TET1: variants seen among roughly 807,000 people sequenced by gnomAD.
TET1 encodes the protein methylcytosine dioxygenase TET1.
Under a neutral mutation model 148.7 loss-of-function variants are expected in TET1, and 13 were observed. That is an observed-to-expected ratio of 0.09 (90% CI 0.06 to 0.14). The LOEUF is 0.14. Ranked by LOEUF, TET1 falls within the 10% of genes least tolerant of loss-of-function variation. TET1 has a pLI of 1.00. For missense variants in TET1, 2,182 were observed against 2,553.8 expected, an observed-to-expected ratio of 0.85 and a Z score of 3.14; for synonymous variants, 907 against 937.2, an observed-to-expected ratio of 0.97 and a Z score of 0.59.
At chr10:68,683,240 GTTTTTGC>G (rs1270374029) in intron 10 of TET1, among the ~76,000 whole-genome samples, 1 of 152,068 alleles carries the variant, frequency 6.6e-6, no homozygotes, top group African/African-American at 2.4e-5. Context: ...TAATTGTTGT[GTTTTTGC>G]TGGGAGGCAG....
At chr10:68,568,620 G>T (rs2053632772) in intron 1 of TET1, among the ~76,000 whole-genome samples, 1 of 152,116 alleles carries the variant, frequency 6.6e-6, no homozygotes, top group East Asian at 1.9e-4. Flanking sequence ...TCTTATTTTG[G>T]GTCTGGGTAG....
chr10:68,686,440 C>G lies in TET1; in HGVS notation c.5137C>G (p.Leu1713Val). The G allele has an allele frequency of 6.2e-7, 1 of 1,614,106 alleles. No homozygotes were observed. The change falls in exon 11 of 12, where the codon CTT becomes GTT. Residue 1713 changes from leucine (L) to valine (V), a missense_variant. Physicochemically the swap from Leu to Val is conservative, Grantham distance 32. Coordinates refer to ENST00000373644, the MANE Select transcript of TET1 (RefSeq NM_030625.3). ...GCTCCATGTGCTACCTCTTTATAAG[C>G]TTTCAGACACAGATGAGTTTGGCTC... ...EQLHVLPLYK[L>V]SDTDEFGSKE... is the part of the protein sequence containing the mutation.
chr10:68,637,590 A>G lies in TET1; in HGVS notation c.1969-7108A>G, dbSNP rs1211717364. On this transcript the variant is annotated intron_variant, in intron 3 of 11. Coordinates refer to ENST00000373644, the MANE Select transcript of TET1 (RefSeq NM_030625.3). ...CCTCAGGCTGGAGTGCTGTGGTGCCATCTTGGCTTACTGCAACCTCTGCCT... is the reference window on the plus strand; with the variant it reads ...CCTCAGGCTGGAGTGCTGTGGTGCCGTCTTGGCTTACTGCAACCTCTGCCT... Among the ~76,000 whole-genome samples the G allele has an allele frequency of 2.3e-5, 3 of 131,534 alleles. 1 individual carries two copies. Among genetic ancestry groups the G allele is most frequent in the African/African-American group, 8.5e-5 (3 of 35,170 alleles). The allele number at this position is 131,534 out of a possible 152,430, so 86.3% of individuals were successfully genotyped here. A position where few individuals can be genotyped will look rare whatever the true frequency, so the allele number is the denominator to read the frequency against.
intron 3 of TET1, among the ~76,000 whole-genome samples, chr10:68,636,144 C>A (rs916639690): frequency 3.9e-5 from 6 of 152,066 alleles, no homozygotes; most frequent in African/African-American, 1.4e-4. Flanking sequence ...GGTTTTTCCT[C>A]CTTTGGGAAT....
intron 7 of TET1, among the ~76,000 whole-genome samples, chr10:68,670,497 C>A (rs972646081): frequency 2.6e-5 from 4 of 152,278 alleles, no homozygotes; most frequent in Admixed American, 2.6e-4. Flanking sequence ...TGGACTATTA[C>A]ACTCAGTGCA....
rs778566641 is a variant in TET1, at chr10:68,646,565, A to G, written c.3836A>G (p.Asp1279Gly). The change falls in exon 4 of 12, where the codon GAT (aspartate) becomes GGT (glycine). Residue 1279 changes from aspartate (D) to glycine (G), a missense_variant. Physicochemically the swap from Asp to Gly is moderately conservative, Grantham distance 94 (BLOSUM62 -1). Transcript: ENST00000373644. Reference sequence around the variant, plus strand: ...GAATCCAACGGGAAGGCATTCACTGATAAAGCTTATAATTCTCAGGTACAG... The same window carrying G: ...GAATCCAACGGGAAGGCATTCACTGGTAAAGCTTATAATTCTCAGGTACAG... The part of the protein sequence containing the change: ...KTESNGKAFT[D>G]KAYNSQVQLT... 1.9e-6 allele frequency: 3 copies of G among 1,614,096 alleles called. No homozygotes were observed. Among genetic ancestry groups the G allele is most frequent in the Non-Finnish European group, 2.5e-6 (3 of 1,180,058 alleles).
intron 3 of TET1, among the ~76,000 whole-genome samples, chr10:68,615,356 C>CTTTTCTTTTTTTTT (rs138957422): frequency 4.8e-4 from 70 of 145,354 alleles, no homozygotes; most frequent in Admixed American, 8.4e-4. Context: ...CTTTTCTTTT[C>CTTTTCTTTTTTTTT]TTTTTTTGAG....
At chr10:68,644,617 A>T in intron 3 of TET1, 81 bp from the exon 4 acceptor site, 1 of 1,356,834 alleles carries the variant, frequency 7.4e-7, no homozygotes, top group Non-Finnish European at 9.9e-7. Context: ...CTTTACATTT[A>T]GTTGTTATTA....
chr10:68,663,166 G>A (rs913582018), intron 6 of TET1, among the ~76,000 whole-genome samples: 4 of 152,096 alleles, frequency 2.6e-5, no homozygotes, highest in Non-Finnish European at 4.4e-5. Flanking sequence ...AAATTTTCCT[G>A]ACATGATGCT....
intron 8 of TET1, among the ~76,000 whole-genome samples, chr10:68,676,532 C>T (rs889031392): frequency 1.3e-4 from 19 of 151,652 alleles, no homozygotes; most frequent in African/African-American, 4.6e-4. Context: ...CCTCAGCCTC[C>T]CAAAGTGCTA....
intron 3 of TET1, among the ~76,000 whole-genome samples, 153 bp downstream of exon 3, chr10:68,601,187 T>C (rs1371834191): frequency 6.6e-6 from 1 of 152,202 alleles, no homozygotes; most frequent in East Asian, 1.9e-4. Flanking sequence ...GTTTTCTCTC[T>C]CTTTTTTTTG....
intron 3 of TET1, among the ~76,000 whole-genome samples, chr10:68,634,105 G>A (rs143508935): frequency 2.0e-5 from 3 of 152,118 alleles, no homozygotes; most frequent in African/African-American, 7.2e-5. Flanking sequence ...GACTGTTCTT[G>A]ATCTCCTGGA....
rs148388844 is a variant in TET1, at chr10:68,646,663, G to C, written c.3934G>C (p.Val1312Leu). Residue 1312 changes from valine to leucine, a missense_variant, in exon 4 of 12, where the codon GTG (valine) becomes CTG (leucine). Val to Leu is a conservative substitution (Grantham distance 32, BLOSUM62 1). Transcript: ENST00000373644. Reference sequence around the variant, plus strand: ...CTCTCCACCTAACCAGTGTGCTAACGTGATGGCAGGCGATGACCAAATACG... The same window carrying C: ...CTCTCCACCTAACCAGTGTGCTAACCTGATGGCAGGCGATGACCAAATACG... ...PSSPPNQCAN[V>L]MAGDDQIRFQ... is the part of the protein sequence containing the mutation. 4 of 1,613,962 alleles carry C rather than the reference G, an allele frequency of 2.5e-6. No individual in the cohort carries two copies. The highest frequency in any genetic ancestry group is 3.3e-5 in the Admixed American group (2 of 59,996).
chr10:68,589,439 T>A (rs7068665), intron 2 of TET1, among the ~76,000 whole-genome samples: 2,565 of 152,208 alleles, frequency 0.017, 75 homozygotes, highest in African/African-American at 0.058. Context: ...CTTAGATGCA[T>A]ATATCTATAT....
intron 3 of TET1, among the ~76,000 whole-genome samples, chr10:68,622,185 CCTTCCT>C (rs2054381946): frequency 9.3e-6 from 1 of 107,648 alleles, no homozygotes; most frequent in Non-Finnish European, 1.9e-5. Context: ...TTCCTTCCTT[CCTTCCT>C]TCCTTCCTTC....
Position 68,573,992 on chromosome 10 carries a change from A to G in TET1, c.1654A>G (p.Ser552Gly). 4 of 1,614,216 alleles carry G rather than the reference A, an allele frequency of 2.5e-6. No homozygotes were observed. The highest frequency in any genetic ancestry group is 3.4e-6 in the Non-Finnish European group (4 of 1,180,040). Residue 552 changes from serine (S) to glycine (G), a missense_variant, in exon 2 of 12, where the codon AGC becomes GGC. Around this residue, in one of 11 missense-constraint regions of TET1, gnomAD observed 665 missense variants for 672.4 expected, o/e 0.99. Coordinates refer to ENST00000373644, the MANE Select transcript of TET1 (RefSeq NM_030625.3). ...DRGSSQVSVT[S>G]TVHVVNTTVV... is the part of the protein sequence containing the mutation. The stretch of plus-strand genomic sequence containing the variant: ...AGGGAGCTCCCAGGTCAGTGTAACC[A>G]GCACAGTTCATGTTGTCAACACCAC...
chr10:68,670,891 AAAT>A (rs1178028363), intron 7 of TET1, among the ~76,000 whole-genome samples: 1 of 152,020 alleles, frequency 6.6e-6, no homozygotes, highest in African/African-American at 2.4e-5. Flanking sequence ...CACTTTTTCA[AAAT>A]AATTGGTTTC....
At chr10:68,595,979 TATATACACACACACACACACACACACAC>T (rs2053980212) in intron 2 of TET1, among the ~76,000 whole-genome samples, 1 of 30,356 alleles carries the variant, frequency 3.3e-5, no homozygotes, top group Non-Finnish European at 6.1e-5. Context: ...CACACACACA[TATATACACACACACACACACACACACAC>T]ACACACACAC....
rs1172522707 is a variant in TET1, at chr10:68,692,919, A to T, written c.*1105A>T. On this transcript the variant is annotated 3_prime_UTR_variant, in exon 12 of 12. Transcript: ENST00000373644. ...AAAAACTAAGTAGACAGATATTTGTACTGAAGTCTGATACAGAATTAGAAA... is the reference window on the plus strand; with the variant it reads ...AAAAACTAAGTAGACAGATATTTGTTCTGAAGTCTGATACAGAATTAGAAA... 6 of 231,722 alleles carry T rather than the reference A, an allele frequency of 2.6e-5. No individual in the cohort carries two copies. Among genetic ancestry groups the T allele is most frequent in the Middle Eastern group, 2.6e-3 (2 of 780 alleles). 14.4% of individuals were successfully genotyped at this position (231,722 alleles called of 1,614,324 possible).
Sources: allele counts gnomAD v4.1 joint callset (sites outside exome capture counted in the v4.1 genomes callset), GRCh38; gene constraint gnomAD v4.1.1; regional missense constraint gnomAD v4.1.1; transcripts MANE v1.5; gene names NCBI Gene and HGNC (gene_info 2026-07-23, HGNC 2026-07-21).